Variants in PXN observed in about 807,000 individuals in gnomAD.
The protein encoded by PXN is paxillin.
In PXN, 61 loss-of-function variants were observed where a neutral mutation model predicts 103.6. The ratio of observed to expected loss-of-function variants is 0.59; its 90% CI spans 0.48 to 0.73. The LOEUF (loss-of-function observed/expected upper bound fraction) is 0.73. Ranked by LOEUF, PXN falls within the 30% of genes least tolerant of loss-of-function variation. The pLI, the probability that PXN is intolerant of heterozygous loss-of-function variation, is 0.00. For synonymous variants in PXN, 562 were observed against 607.8 expected, an observed-to-expected ratio of 0.92 and a Z score of 1.11; for missense variants, 1,274 against 1,460.3, an observed-to-expected ratio of 0.87 and a Z score of 2.08.
chr12:120,251,001 C>T (rs112629135), intron 1 of PXN, among the ~76,000 whole-genome samples: 9,784 of 151,866 alleles, frequency 0.064, 376 homozygotes, highest in Middle Eastern at 0.12. Context: ...GCCAGGAGTT[C>T]AAGACCAGCC....
rs1453791208 is a variant in PXN, at chr12:120,214,592, T to C, written c.2748+233A>G. 6.6e-6 allele frequency among the ~76,000 whole-genome samples: 1 copy of C among 151,392 alleles called. No homozygotes were observed. Among genetic ancestry groups the C allele is most frequent in the African/African-American group, 2.4e-5 (1 of 41,144 alleles). ...CCTCAGGGCTCCTGAGTCCTGGGAGTCTCCACAGAAAGGAATCGAGATGGG... is the reference window on the plus strand; with the variant it reads ...CCTCAGGGCTCCTGAGTCCTGGGAGCCTCCACAGAAAGGAATCGAGATGGG... On this transcript the variant is annotated intron_variant, in intron 12 of 14. Coordinates refer to ENST00000637617, the MANE Select transcript of PXN (RefSeq NM_001385981.1). This position sits in a 1 kb window ranked among gnomAD's most constrained non-coding sequence, Gnocchi z 5.0.
chr12:120,220,098 AAG>A lies in PXN; in HGVS notation c.832-9_832-8del, dbSNP rs776029027. 1 of 1,087,392 alleles carries A rather than the reference AAG, an allele frequency of 9.2e-7. No homozygotes were observed. The highest frequency in any genetic ancestry group is 1.6e-5 in the South Asian group (1 of 64,246). The allele number at this position is 1,087,392 out of a possible 1,614,324, so 67.4% of individuals were successfully genotyped here. A position where few individuals can be genotyped will look rare whatever the true frequency, so the allele number is the denominator to read the frequency against. On this transcript the variant is annotated splice_polypyrimidine_tract_variant and splice_region_variant and intron_variant, in intron 6 of 14. Coordinates refer to ENST00000637617, the MANE Select transcript of PXN (RefSeq NM_001385981.1). This position sits in a 1 kb window ranked among gnomAD's most constrained non-coding sequence, Gnocchi z 6.1. ...CCACAGTGGAGGAGCTGGTCTGGAG[AAG>A]AGAGAAATGCAGAGGGGAGAGGAGA...
At chr12:120,241,645 G>A (rs771250945) in intron 1 of PXN, among the ~76,000 whole-genome samples, 1 of 152,256 alleles carries the variant, frequency 6.6e-6, no homozygotes, top group Non-Finnish European at 1.5e-5. Flanking sequence ...CAGTGGGCCA[G>A]GAGGAAAGGG....
chr12:120,227,208 AT>A, intron 1 of PXN: 1 of 962,644 alleles, frequency 1.0e-6, no homozygotes, highest in South Asian at 4.7e-5. Flanking sequence ...TCTACAAAAA[AT>A]TTAAAAATTA....
chr12:120,215,401 T>C lies in PXN; in HGVS notation c.2404-128A>G. On this transcript the variant is annotated intron_variant, in intron 10 of 14. Transcript: ENST00000637617. The surrounding 1 kb of genome is among the most constrained non-coding windows in gnomAD (Gnocchi z 4.9). ...GATGGAGACAAGAAGTACAACCTCCTCCAGGGGCCAGGAGCCCTAAAGTGG... is the reference window on the plus strand; with the variant it reads ...GATGGAGACAAGAAGTACAACCTCCCCCAGGGGCCAGGAGCCCTAAAGTGG... 1 of 1,454,912 alleles carries C rather than the reference T, an allele frequency of 6.9e-7. No homozygotes were observed. The highest frequency in any genetic ancestry group is 9.1e-7 in the Non-Finnish European group (1 of 1,103,846). 90.1% of individuals were successfully genotyped at this position (1,454,912 alleles called of 1,614,324 possible).
intron 1 of PXN, among the ~76,000 whole-genome samples, chr12:120,248,164 A>C (rs568839901): frequency 1.3e-5 from 2 of 152,228 alleles, no homozygotes; most frequent in East Asian, 3.9e-4. Context: ...AACCCAAGAG[A>C]GGTGAAGAGC....
At chr12:120,235,729 G>A (rs893146699) in intron 1 of PXN, among the ~76,000 whole-genome samples, 20 of 152,140 alleles carry the variant, frequency 1.3e-4, no homozygotes, top group Non-Finnish European at 1.9e-4. Context: ...AGCCCCTAGT[G>A]GTGGTACAGA....
At position 120,217,937 on chromosome 12, in the gene PXN, A is replaced by C. The variant is rs1344487688; in HGVS notation, c.1717-821T>G. Among the ~76,000 whole-genome samples the C allele has an allele frequency of 7.0e-6, 1 of 143,568 alleles. No homozygotes were observed. Among genetic ancestry groups the C allele is most frequent in the Non-Finnish European group, 1.5e-5 (1 of 65,698 alleles). The allele number at this position is 143,568 out of a possible 152,430, so 94.2% of individuals were successfully genotyped here. A position where few individuals can be genotyped will look rare whatever the true frequency, so the allele number is the denominator to read the frequency against. On this transcript the variant is annotated intron_variant, in intron 7 of 14. Coordinates refer to ENST00000637617, the MANE Select transcript of PXN (RefSeq NM_001385981.1). This position sits in a 1 kb window ranked among gnomAD's most constrained non-coding sequence, Gnocchi z 4.1. ...TTAACTAGTTTTTTTTTTCTTATTT[A>C]TATTATTATGCTAATATTATATTAT...
intron 1 of PXN, among the ~76,000 whole-genome samples, chr12:120,231,949 C>G (rs1158410278): frequency 6.6e-6 from 1 of 152,270 alleles, no homozygotes; most frequent in Non-Finnish European, 1.5e-5. Context: ...CCCAGGTTGA[C>G]TCTGAGCACT....
intron 1 of PXN, chr12:120,226,461 G>C (rs1886905163): frequency 1.6e-6 from 2 of 1,285,702 alleles, no homozygotes; most frequent in East Asian, 1.1e-4. Context: ...GACAATGCTG[G>C]ACTCTGATCT....
In PXN at chr12:120,215,042, G is replaced by A. The variant is rs767329920; in HGVS notation, c.2575-44C>T. 4.4e-5 allele frequency: 70 copies of A among 1,603,474 alleles called. No homozygotes were observed. Among genetic ancestry groups the A allele is most frequent in the Non-Finnish European group, 5.4e-5 (63 of 1,175,024 alleles). ...GCGGTCCAGGGCCAAGGCCAGCCCC[G>A]GAGCACCCCCACCCCTGCAGGAGTC... On this transcript the variant is annotated intron_variant, in intron 11 of 14. Transcript: ENST00000637617. The surrounding 1 kb of genome is among the most constrained non-coding windows in gnomAD (Gnocchi z 4.9).
At chr12:120,252,819 G>A (rs151072720) in intron 1 of PXN, among the ~76,000 whole-genome samples, 1 of 152,180 alleles carries the variant, frequency 6.6e-6, no homozygotes, top group East Asian at 1.9e-4. Context: ...GACATGTAAT[G>A]AAACTCCGTC....
Position 120,221,706 on chromosome 12 carries a change from A to T in PXN, c.748T>A (p.Ser250Thr). 6.4e-7 allele frequency: 1 copy of T among 1,571,342 alleles called. No individual in the cohort carries two copies. Among genetic ancestry groups the T allele is most frequent in the Non-Finnish European group, 8.6e-7 (1 of 1,158,642 alleles). Residue 250 changes from serine (S) to threonine (T), a missense_variant, in exon 6 of 15, where the codon TCC becomes ACC. Transcript: ENST00000637617. The surrounding 1 kb of genome is among the most constrained non-coding windows in gnomAD (Gnocchi z 6.6). ...GAGATGCGTGTCTGCTGTTGGGTGGAGGTGACGCGCTGCGGGCTGCTCATC... is the reference window on the plus strand; with the variant it reads ...GAGATGCGTGTCTGCTGTTGGGTGGTGGTGACGCGCTGCGGGCTGCTCATC... ...GEMSSPQRVT[S>T]TQQQTRISAS...
rs1883476910 is a variant in PXN at position 120,217,322 on chromosome 12, C to T, written c.1717-206G>A. Among the ~76,000 whole-genome samples, 1 of 152,080 alleles carries T rather than the reference C, an allele frequency of 6.6e-6. No homozygotes were observed. Among genetic ancestry groups the T allele is most frequent in the African/African-American group, 2.4e-5 (1 of 41,398 alleles). ...GGGGAGGGGGCAGATCGGACTGGCTCCAGAAGCACAGGCTGCGAGCGAGAC... is the reference window on the plus strand; with the variant it reads ...GGGGAGGGGGCAGATCGGACTGGCTTCAGAAGCACAGGCTGCGAGCGAGAC... On this transcript the variant is annotated intron_variant, in intron 7 of 14. Transcript: ENST00000637617. This position sits in a 1 kb window ranked among gnomAD's most constrained non-coding sequence, Gnocchi z 4.1.
At position 120,245,518 on chromosome 12, in the gene PXN, T is replaced by G. The variant is rs1257662338; in HGVS notation, c.13+20099A>C. 5.3e-5 allele frequency among the ~76,000 whole-genome samples: 8 copies of G among 151,534 alleles called. 1 individual carries two copies. On this transcript the variant is annotated intron_variant, in intron 1 of 14. Coordinates refer to ENST00000637617, the MANE Select transcript of PXN (RefSeq NM_001385981.1). ...AAAAAAAGAATGCGGCCGGGCACAGTGGCTCACGCCTGTAATCCCAGCACT... is the reference window on the plus strand; with the variant it reads ...AAAAAAAGAATGCGGCCGGGCACAGGGGCTCACGCCTGTAATCCCAGCACT...
chr12:120,237,098 G>C (rs1475642177), intron 1 of PXN, among the ~76,000 whole-genome samples: 1 of 151,218 alleles, frequency 6.6e-6, no homozygotes, highest in Non-Finnish European at 1.5e-5. Flanking sequence ...CACTGCACCT[G>C]GTCATTGCTT....
chr12:120,258,310 C>T (rs1292728022), intron 1 of PXN, among the ~76,000 whole-genome samples: 1 of 152,126 alleles, frequency 6.6e-6, no homozygotes, highest in Non-Finnish European at 1.5e-5. Flanking sequence ...TGTCATCATG[C>T]TCAAATAACT....
At chr12:120,235,654 C>A (rs929177355) in intron 1 of PXN, among the ~76,000 whole-genome samples, 9 of 152,156 alleles carry the variant, frequency 5.9e-5, no homozygotes, top group African/African-American at 2.2e-4. Flanking sequence ...TCCAAGTCTC[C>A]TGTTCTCTTT....
chr12:120,241,153 G>C (rs1890066864), intron 1 of PXN, among the ~76,000 whole-genome samples: 1 of 152,184 alleles, frequency 6.6e-6, no homozygotes, highest in African/African-American at 2.4e-5. Context: ...TTGGGAATCT[G>C]AATGAAACCA....
Sources: gnomAD v4.1 joint callset for allele counts (sites outside exome capture counted in the v4.1 genomes callset) on GRCh38, gnomAD v4.1.1 for gene constraint, Gnocchi (gnomAD v3.1) non-coding constraint, MANE v1.5 for transcripts, NCBI Gene and HGNC (gene_info 2026-07-23, HGNC 2026-07-21) for gene names.